Variants in PRKCA observed in about 807,000 individuals in gnomAD.
PRKCA encodes the protein protein kinase C alpha.
In PRKCA, 27 loss-of-function variants were observed where a neutral mutation model predicts 87.0. The observed-to-expected ratio is 0.31, with a 90% confidence interval of 0.23 to 0.43. The LOEUF (loss-of-function observed/expected upper bound fraction) is 0.43, where lower values mean the gene tolerates loss of function less well. Ranked by LOEUF, PRKCA falls within the 20% of genes least tolerant of loss-of-function variation. The pLI is 1.00. For synonymous variants in PRKCA, 329 were observed against 311.1 expected, an observed-to-expected ratio of 1.06 and a Z score of -0.61; for missense variants, 518 against 852.3, an observed-to-expected ratio of 0.61 and a Z score of 4.88.
chr17:66,550,494 CA>C (rs1464366365), intron 3 of PRKCA, among the ~76,000 whole-genome samples: 10 of 152,190 alleles, frequency 6.6e-5, no homozygotes, highest in African/African-American at 2.2e-4. Flanking sequence ...ACTAAAAATA[CA>C]AAAATTAGCT....
Position 66,335,725 on chromosome 17 carries a change from T to C in PRKCA, c.205+29598T>C, listed in dbSNP as rs574443681. Among the ~76,000 whole-genome samples the C allele has an allele frequency of 4.6e-5, 7 of 152,342 alleles. No individual in the cohort carries two copies. In the South Asian group the frequency reaches 1.5e-3, roughly 32 times the overall value. ...GTGTTTAATATTCCATTTTGTAGAATATCTTTTACCATTTTATTTTTAGCC... is the reference window on the plus strand; with the variant it reads ...GTGTTTAATATTCCATTTTGTAGAACATCTTTTACCATTTTATTTTTAGCC... On this transcript the variant is annotated intron_variant, in intron 2 of 16. Transcript: ENST00000413366.
intron 3 of PRKCA, among the ~76,000 whole-genome samples, chr17:66,533,365 A>G (rs1967636640): frequency 6.6e-6 from 1 of 152,182 alleles, no homozygotes; most frequent in African/African-American, 2.4e-5. Context: ...GCAACAGGGC[A>G]TTGGCCAAAT....
chr17:66,533,038 A>G (rs1598746163), intron 3 of PRKCA, among the ~76,000 whole-genome samples: 1 of 152,064 alleles, frequency 6.6e-6, no homozygotes. Flanking sequence ...AGCCAACAAC[A>G]CTTCAGTCCT....
At chr17:66,619,708 C>T (rs1171806198) in intron 3 of PRKCA, among the ~76,000 whole-genome samples, 1 of 152,154 alleles carries the variant, frequency 6.6e-6, no homozygotes, top group Non-Finnish European at 1.5e-5. Flanking sequence ...CTTCTCTCTC[C>T]CCGTCTCAGT....
intron 13 of PRKCA, among the ~76,000 whole-genome samples, chr17:66,756,236 G>A (rs543239148): frequency 2.8e-4 from 42 of 152,260 alleles, no homozygotes; most frequent in African/African-American, 9.4e-4. Context: ...GCTTCCCTCA[G>A]GAGACGCTAA....
chr17:66,540,223 A>T (rs1967934482), intron 3 of PRKCA, among the ~76,000 whole-genome samples: 1 of 152,164 alleles, frequency 6.6e-6, no homozygotes. Flanking sequence ...AAATACTCTG[A>T]TTCATCATTG....
chr17:66,552,017 G>T (rs541943265), intron 3 of PRKCA, among the ~76,000 whole-genome samples: 1 of 152,106 alleles, frequency 6.6e-6, no homozygotes, highest in Non-Finnish European at 1.5e-5. Flanking sequence ...GGTGTATTTG[G>T]CCAGGCACAA....
chr17:66,329,373 G>A (rs2143270803), intron 2 of PRKCA, among the ~76,000 whole-genome samples: 1 of 152,284 alleles, frequency 6.6e-6, no homozygotes, highest in South Asian at 2.1e-4. Context: ...AGGGACTGGG[G>A]CAGAGGGTGA....
chr17:66,611,249 G>A (rs227914), intron 3 of PRKCA, among the ~76,000 whole-genome samples: 49,182 of 151,950 alleles, frequency 0.32, 8,047 homozygotes, highest in South Asian at 0.41. Context: ...GTGATTTTTT[G>A]TGTATGCCTA....
intron 3 of PRKCA, among the ~76,000 whole-genome samples, chr17:66,564,762 A>G (rs1162399769): frequency 6.6e-6 from 1 of 152,098 alleles, no homozygotes; most frequent in Non-Finnish European, 1.5e-5. Context: ...TGGGTGGATC[A>G]CGAGGTCGGG....
chr17:66,364,545 G>A (rs1422894525), intron 2 of PRKCA, among the ~76,000 whole-genome samples: 1 of 152,182 alleles, frequency 6.6e-6, no homozygotes, highest in Non-Finnish European at 1.5e-5. Flanking sequence ...CGATAATGAA[G>A]AACAGAGACG....
intron 2 of PRKCA, among the ~76,000 whole-genome samples, chr17:66,321,867 ATGAAGGGC>A (rs1332835197): frequency 2.0e-5 from 3 of 152,148 alleles, no homozygotes; most frequent in African/African-American, 7.2e-5. Context: ...AGTTCCCAGA[ATGAAGGGC>A]TGAGGGGACT....
At chr17:66,721,714 T>C (rs1487844591) in intron 8 of PRKCA, among the ~76,000 whole-genome samples, 1 of 152,176 alleles carries the variant, frequency 6.6e-6, no homozygotes, top group Non-Finnish European at 1.5e-5. Flanking sequence ...TTCCTCGCCA[T>C]CTTGATTTTG....
rs566834692 is a variant in PRKCA, at chr17:66,789,767, G to A, written c.1854+788G>A. On this transcript the variant is annotated intron_variant, in intron 16 of 16. Coordinates refer to ENST00000413366, the MANE Select transcript of PRKCA (RefSeq NM_002737.3). ...CTTTGTCCTCACCTACTGCACCATCGCTCCATCTCAGCAACTGCCCTGACG... is the reference window on the plus strand; with the variant it reads ...CTTTGTCCTCACCTACTGCACCATCACTCCATCTCAGCAACTGCCCTGACG... Among the ~76,000 whole-genome samples, 19 of 152,264 alleles carry A rather than the reference G, an allele frequency of 1.2e-4. No individual in the cohort carries two copies. The East Asian group carries it at 1.9e-3, about 15-fold the overall frequency.
At chr17:66,781,039 G>A (rs979546050) in intron 14 of PRKCA, among the ~76,000 whole-genome samples, 1 of 151,976 alleles carries the variant, frequency 6.6e-6, no homozygotes, top group Non-Finnish European at 1.5e-5. Context: ...AACCCAGGAG[G>A]CAGAGGCTTC....
At chr17:66,726,799 A>G (rs1973762341) in intron 8 of PRKCA, among the ~76,000 whole-genome samples, 1 of 150,872 alleles carries the variant, frequency 6.6e-6, no homozygotes, top group African/African-American at 2.4e-5. Context: ...ATCTTGGCTC[A>G]CTGCAACCTT....
At chr17:66,521,155 T>G (rs1967146427) in intron 3 of PRKCA, among the ~76,000 whole-genome samples, 1 of 152,186 alleles carries the variant, frequency 6.6e-6, no homozygotes, top group South Asian at 2.1e-4. Flanking sequence ...TAAAAATGTT[T>G]GACATTTACC....
rs558387572 is a variant in PRKCA, at chr17:66,458,761, G to A, written c.206-37440G>A. Among the ~76,000 whole-genome samples, 326 of 152,260 alleles carry A rather than the reference G, an allele frequency of 2.1e-3. 4 individuals carry two copies. The highest frequency in any genetic ancestry group is 8.5e-3 in the South Asian group (41 of 4,824). ...CTCCTAAACTGCTGGGATTACAGGC[G>A]TGAGCCACCGTGCCCTGCCCCTTTC... On this transcript the variant is annotated intron_variant, in intron 2 of 16. Transcript: ENST00000413366.
intron 3 of PRKCA, among the ~76,000 whole-genome samples, chr17:66,632,963 A>T (rs988524768): frequency 2.0e-5 from 3 of 152,246 alleles, no homozygotes; most frequent in Admixed American, 1.3e-4. Context: ...TGTATAGATG[A>T]GTGTTATTCA....
Sources: allele counts gnomAD v4.1 joint callset (sites outside exome capture counted in the v4.1 genomes callset), GRCh38; gene constraint gnomAD v4.1.1; transcripts MANE v1.5; gene names NCBI Gene and HGNC (gene_info 2026-07-23, HGNC 2026-07-21).